The following RBMS3 variants were observed in gnomAD, a reference collection of about 807,000 sequenced individuals.
RBMS3 encodes the protein RNA binding motif single stranded interacting protein 3, also known as RNA-binding motif, single-stranded-interacting protein 3.
RBMS3 carries 27 observed loss-of-function variants against 66.8 expected under a neutral mutation model. That is an observed-to-expected ratio of 0.40 (90% CI 0.30 to 0.56). The LOEUF (loss-of-function observed/expected upper bound fraction) is 0.56. Ranked by LOEUF, RBMS3 falls within the 20% of genes least tolerant of loss-of-function variation. The pLI is 0.40. For synonymous variants in RBMS3, 188 were observed against 183.0 expected (o/e 1.03, Z -0.22); for missense variants, 513 against 549.5 (o/e 0.93, Z 0.66).
intron 4 of RBMS3, among the ~76,000 whole-genome samples, chr3:29,722,552 AT>A (rs2053686280): frequency 2.0e-5 from 3 of 152,182 alleles, no homozygotes; most frequent in East Asian, 1.9e-4. Flanking sequence ...TAAACAAAAA[AT>A]TTTTTTAGGG....
At chr3:29,772,635 G>T (rs1401651245) in intron 6 of RBMS3, among the ~76,000 whole-genome samples, 2 of 151,946 alleles carry the variant, frequency 1.3e-5, no homozygotes, top group African/African-American at 4.8e-5. Context: ...CCGAGGAGCA[G>T]CATAGGAGGT....
intron 10 of RBMS3, among the ~76,000 whole-genome samples, chr3:29,903,523 A>G (rs575587498): frequency 6.6e-6 from 1 of 152,106 alleles, no homozygotes; most frequent in African/African-American, 2.4e-5. Context: ...ACAGAGCAGT[A>G]TGTTACATTG....
intron 4 of RBMS3, among the ~76,000 whole-genome samples, chr3:29,723,081 T>G (rs959881567): frequency 1.3e-5 from 2 of 152,168 alleles, no homozygotes; most frequent in Non-Finnish European, 2.9e-5. Context: ...GTTCAAGTGA[T>G]TCTCCTGCCT....
Position 29,960,130 on chromosome 3 carries a change from A to G in RBMS3, c.1098+15876A>G, listed in dbSNP as rs564700060. ...CTTCCACCTATGAGCCTGTAAAATCAAAGGCAAGTTAGTTACTTCCTAGAT... is the reference window on the plus strand; with the variant it reads ...CTTCCACCTATGAGCCTGTAAAATCGAAGGCAAGTTAGTTACTTCCTAGAT... On this transcript the variant is annotated intron_variant, in intron 12 of 14. Coordinates refer to ENST00000383767, the MANE Select transcript of RBMS3 (RefSeq NM_001003793.3). Among the ~76,000 whole-genome samples, 16 of 152,360 alleles carry G rather than the reference A, an allele frequency of 1.1e-4. No individual in the cohort carries two copies. In the South Asian group the frequency reaches 2.7e-3, roughly 26 times the overall value.
At chr3:29,927,308 C>T (rs967904464) in intron 10 of RBMS3, 2 of 152,160 alleles carry the variant, frequency 1.3e-5, no homozygotes, top group African/African-American at 4.8e-5. Flanking sequence ...GTTTCACATA[C>T]CATTAAAGTC....
At chr3:29,377,120 AAAG>A (rs2038517739) in intron 1 of RBMS3, among the ~76,000 whole-genome samples, 1 of 152,068 alleles carries the variant, frequency 6.6e-6, no homozygotes, top group African/African-American at 2.4e-5. Context: ...CAAAGAAAGA[AAAG>A]GCACAATATG....
intron 10 of RBMS3, among the ~76,000 whole-genome samples, chr3:29,902,896 C>A (rs17024578): frequency 6.6e-6 from 1 of 151,772 alleles, no homozygotes; most frequent in East Asian, 1.9e-4. Context: ...ACAGTGCTTC[C>A]GTAAAGTTCT....
chr3:29,999,302 G>T (rs1002418416), intron 14 of RBMS3, among the ~76,000 whole-genome samples: 4 of 152,072 alleles, frequency 2.6e-5, no homozygotes, highest in Admixed American at 6.6e-5. Flanking sequence ...GGAACACTTT[G>T]ACACTGTTGG....
chr3:29,435,655 C>T (rs2041370610), intron 2 of RBMS3, among the ~76,000 whole-genome samples: 1 of 152,090 alleles, frequency 6.6e-6, no homozygotes, highest in Non-Finnish European at 1.5e-5. Flanking sequence ...AATCATAGAC[C>T]TGGCCGGGCA....
At position 30,007,602 on chromosome 3, in the gene RBMS3, G is replaced by A. The variant is rs565848224; in HGVS notation, c.*3740G>A. 1.3e-5 allele frequency: 2 copies of A among 152,024 alleles called. No homozygotes were observed. Among genetic ancestry groups the A allele is most frequent in the East Asian group, 3.9e-4 (2 of 5,190 alleles). 9.4% of individuals were successfully genotyped at this position (152,024 alleles called of 1,614,324 possible). On this transcript the variant is annotated 3_prime_UTR_variant, in exon 15 of 15. Transcript: ENST00000383767. Reference sequence around the variant, plus strand: ...GGTAACTTGGAGCTCCCCAATACATGGCCATGTCTTCTAAAGACAACGTAA... The same window carrying A: ...GGTAACTTGGAGCTCCCCAATACATAGCCATGTCTTCTAAAGACAACGTAA...
At chr3:29,739,492 C>T (rs2054538550) in intron 4 of RBMS3, among the ~76,000 whole-genome samples, 1 of 149,952 alleles carries the variant, frequency 6.7e-6, no homozygotes, top group African/African-American at 2.5e-5. Flanking sequence ...GTTTATTAGT[C>T]TTTCTAAGGA....
At chr3:29,663,442 A>T (rs972067681) in intron 4 of RBMS3, among the ~76,000 whole-genome samples, 3 of 152,210 alleles carry the variant, frequency 2.0e-5, no homozygotes, top group African/African-American at 7.2e-5. Context: ...TGTAGTTTTG[A>T]TTAATAAAGT....
intron 4 of RBMS3, among the ~76,000 whole-genome samples, chr3:29,623,106 A>G (rs2048930503): frequency 7.1e-6 from 1 of 141,422 alleles, no homozygotes; most frequent in African/African-American, 2.5e-5. Flanking sequence ...CTCCCTCTCA[A>G]AAAAAAAAAA....
intron 4 of RBMS3, among the ~76,000 whole-genome samples, chr3:29,699,778 G>A (rs952718171): frequency 6.6e-6 from 1 of 152,138 alleles, no homozygotes; most frequent in East Asian, 1.9e-4. Flanking sequence ...ACATATAAGG[G>A]AAGATATACT....
intron 12 of RBMS3, among the ~76,000 whole-genome samples, chr3:29,966,959 T>C (rs1218319517): frequency 1.3e-5 from 2 of 152,246 alleles, no homozygotes; most frequent in Non-Finnish European, 2.9e-5. Context: ...CCACGATTTT[T>C]GTTTTTAGTT....
rs1559767368 is a variant in RBMS3 at position 29,884,467 on chromosome 3, TCTC to T, written c.791+261_791+263del. Among the ~76,000 whole-genome samples, 109 of 74,844 alleles carry T rather than the reference TCTC, an allele frequency of 1.5e-3. 1 individual carries two copies. The highest frequency in any genetic ancestry group is 2.8e-3 in the Non-Finnish European group (89 of 31,306). 49.1% of individuals were successfully genotyped at this position (74,844 alleles called of 152,430 possible). ...CTCTCTCTCTCTCTCTCTCTCTCTC[TCTC>T]CCCCCCCGCTCCCTCCCTCCCTCCC... On this transcript the variant is annotated intron_variant, in intron 8 of 14. Coordinates refer to ENST00000383767, the MANE Select transcript of RBMS3 (RefSeq NM_001003793.3).
chr3:29,561,326 G>A (rs949008153), intron 3 of RBMS3, among the ~76,000 whole-genome samples: 3 of 152,166 alleles, frequency 2.0e-5, no homozygotes, highest in African/African-American at 7.2e-5. Context: ...TTAGGTCTTT[G>A]AGGAATTGTC....
chr3:29,917,401 A>G (rs71321113), intron 10 of RBMS3, among the ~76,000 whole-genome samples: 1 of 152,120 alleles, frequency 6.6e-6, no homozygotes, highest in Non-Finnish European at 1.5e-5. Context: ...CATTTAAACA[A>G]CATTTAAAGA....
chr3:29,408,451 A>C (rs1366769367), intron 1 of RBMS3, among the ~76,000 whole-genome samples: 1 of 152,018 alleles, frequency 6.6e-6, no homozygotes, highest in Non-Finnish European at 1.5e-5. Context: ...TACCATAAGC[A>C]CTATAAAAGT....
Sources: gnomAD v4.1 joint callset for allele counts (sites outside exome capture counted in the v4.1 genomes callset) on GRCh38, gnomAD v4.1.1 for gene constraint, MANE v1.5 for transcripts, NCBI Gene and HGNC (gene_info 2026-07-23, HGNC 2026-07-21) for gene names.